The following UNC5C variants were observed in gnomAD, a reference collection of about 807,000 sequenced individuals.
UNC5C encodes the protein netrin receptor UNC5C.
A neutral mutation model predicts 99.8 loss-of-function variants in UNC5C; 47 were observed. The observed-to-expected ratio is 0.47, with a 90% CI of 0.37 to 0.60. UNC5C has a LOEUF of 0.60. UNC5C is among the 20% of genes least tolerant of loss of function. The pLI is 0.00. For missense variants in UNC5C, 1,062 were observed against 1,165.9 expected (o/e 0.91, Z 1.30); for synonymous variants, 487 against 452.2 (o/e 1.08, Z -0.98).
intron 1 of UNC5C, among the ~76,000 whole-genome samples, chr4:95,440,139 C>T (rs141094570): frequency 6.6e-6 from 1 of 152,138 alleles, no homozygotes; most frequent in East Asian, 1.9e-4. Flanking sequence ...GGTTTTCCTG[C>T]AGAGATTATA....
chr4:95,380,265 A>T (rs1486790399), intron 1 of UNC5C, among the ~76,000 whole-genome samples: 2 of 152,148 alleles, frequency 1.3e-5, no homozygotes, highest in Admixed American at 6.6e-5. Context: ...TAATGTTTAA[A>T]ATAATATAGA....
At chr4:95,293,087 A>G (rs1487671229) in intron 3 of UNC5C, among the ~76,000 whole-genome samples, 1 of 152,122 alleles carries the variant, frequency 6.6e-6, no homozygotes, top group African/African-American at 2.4e-5. Flanking sequence ...TATAAATCTG[A>G]ATGAAAGAAG....
In UNC5C at chr4:95,332,546, C is replaced by T. The variant is rs550060187; in HGVS notation, c.346+2864G>A. Reference sequence around the variant, plus strand: ...TAGAAAGCTGAAACTGGATCCCTTCCTTACACCTTATACAAAAATTCATTC... The same window carrying T: ...TAGAAAGCTGAAACTGGATCCCTTCTTTACACCTTATACAAAAATTCATTC... On this transcript the variant is annotated intron_variant, in intron 2 of 15. Transcript: ENST00000453304. 1.4e-3 allele frequency among the ~76,000 whole-genome samples: 216 copies of T among 151,906 alleles called. 1 individual carries two copies. The highest frequency in any genetic ancestry group is 5.0e-3 in the African/African-American group (207 of 41,492).
At position 95,523,850 on chromosome 4, in the gene UNC5C, T is replaced by G. The variant is rs116448031; in HGVS notation, c.124+24884A>C. Reference sequence around the variant, plus strand: ...AAGTATCAATCCCCTAATAAAAATTTTAAAAGCTTTAATTCCATTTCTATA... The same window carrying G: ...AAGTATCAATCCCCTAATAAAAATTGTAAAAGCTTTAATTCCATTTCTATA... On this transcript the variant is annotated intron_variant, in intron 1 of 15. Coordinates refer to ENST00000453304, the MANE Select transcript of UNC5C (RefSeq NM_003728.4). 7.0e-3 allele frequency among the ~76,000 whole-genome samples: 1,065 copies of G among 152,262 alleles called. 8 individuals are homozygous for G. The highest frequency in any genetic ancestry group is 0.025 in the African/African-American group (1,019 of 41,560).
intron 1 of UNC5C, among the ~76,000 whole-genome samples, chr4:95,434,448 C>A (rs538029227): frequency 6.6e-6 from 1 of 151,934 alleles, no homozygotes; most frequent in Non-Finnish European, 1.5e-5. Context: ...AGAAGGGGCA[C>A]CTTACTTGAA....
chr4:95,515,846 T>A (rs1722200992), intron 1 of UNC5C, among the ~76,000 whole-genome samples: 1 of 152,208 alleles, frequency 6.6e-6, no homozygotes. Context: ...GCTGGCTTCA[T>A]CCAAAGAAAA....
intron 1 of UNC5C, among the ~76,000 whole-genome samples, chr4:95,425,385 G>C (rs1007702386): frequency 6.6e-6 from 1 of 152,160 alleles, no homozygotes; most frequent in Non-Finnish European, 1.5e-5. Context: ...GCAGTGGCGC[G>C]ATCTCGGCTC....
At chr4:95,177,055 AC>A (rs1736390449) in intron 14 of UNC5C, among the ~76,000 whole-genome samples, 1 of 151,948 alleles carries the variant, frequency 6.6e-6, no homozygotes, top group Non-Finnish European at 1.5e-5. Flanking sequence ...GAACTCCCTG[AC>A]CCCTTGCACT....
chr4:95,368,467 CA>C (rs1381429665), intron 1 of UNC5C, among the ~76,000 whole-genome samples: 3 of 152,024 alleles, frequency 2.0e-5, no homozygotes, highest in Non-Finnish European at 4.4e-5. Flanking sequence ...AAAATTATTT[CA>C]AAGAGCAATA....
chr4:95,317,905 G>C (rs1742539210), intron 2 of UNC5C, among the ~76,000 whole-genome samples: 1 of 151,862 alleles, frequency 6.6e-6, no homozygotes, highest in Admixed American at 6.6e-5. Context: ...TTTTTTTCTT[G>C]ACAAATGCTT....
intron 1 of UNC5C, among the ~76,000 whole-genome samples, chr4:95,408,625 A>G (rs1745892051): frequency 6.6e-6 from 1 of 152,192 alleles, no homozygotes; most frequent in Admixed American, 6.5e-5. Flanking sequence ...CCGTTTAATA[A>G]GAAAGAGAAT....
chr4:95,206,646 T>G lies in UNC5C; in HGVS notation c.1884A>C (p.Ala628=), dbSNP rs1473545759. Residue 628 remains alanine, a synonymous_variant, in exon 11 of 16, where the codon GCA becomes GCC. Transcript: ENST00000453304. ...EDWKILLKNQ[A]AQGQWEDVVV... The stretch of plus-strand genomic sequence containing the variant: ...AGCTCACCTCCCACTGTCCCTGTGC[T>G]GCCTGGTTCTTGAGCAGTATTTTCC... The G allele has an allele frequency of 6.2e-7, 1 of 1,614,192 alleles. No individual in the cohort carries two copies. The highest frequency in any genetic ancestry group is 2.2e-5 in the East Asian group (1 of 44,872).
At chr4:95,238,616 C>T (rs550584209) in intron 7 of UNC5C, among the ~76,000 whole-genome samples, 1 of 152,040 alleles carries the variant, frequency 6.6e-6, no homozygotes, top group Non-Finnish European at 1.5e-5. Flanking sequence ...AGTAATAAAT[C>T]CTCTCTATCT....
At chr4:95,474,107 A>G (rs1028846788) in intron 1 of UNC5C, among the ~76,000 whole-genome samples, 2 of 152,068 alleles carry the variant, frequency 1.3e-5, no homozygotes, top group African/African-American at 4.8e-5. Context: ...TTTTCCTTTC[A>G]TTCAGAAAGC....
intron 7 of UNC5C, among the ~76,000 whole-genome samples, chr4:95,227,208 G>C (rs1471923222): frequency 1.3e-5 from 2 of 151,472 alleles, no homozygotes; most frequent in Non-Finnish European, 2.9e-5. Context: ...GGAGTGCAGT[G>C]GTGTGATCAT....
intron 1 of UNC5C, among the ~76,000 whole-genome samples, chr4:95,407,031 A>T (rs892233770): frequency 6.6e-6 from 1 of 152,296 alleles, no homozygotes; most frequent in Admixed American, 6.5e-5. Context: ...AAATGATTGT[A>T]CTTTGCTCCT....
intron 1 of UNC5C, among the ~76,000 whole-genome samples, chr4:95,487,955 G>A (rs1400250349): frequency 6.6e-6 from 1 of 151,710 alleles, no homozygotes; most frequent in African/African-American, 2.4e-5. Context: ...TTTACAAGAA[G>A]GTTGAAGAGA....
chr4:95,532,101 C>T (rs1360517228), intron 1 of UNC5C, among the ~76,000 whole-genome samples: 8 of 152,212 alleles, frequency 5.3e-5, no homozygotes. Flanking sequence ...TTAATGCTTA[C>T]ACATCAATTG....
chr4:95,369,692 A>G (rs1744687513), intron 1 of UNC5C, among the ~76,000 whole-genome samples: 1 of 152,210 alleles, frequency 6.6e-6, no homozygotes. Flanking sequence ...CATTAGCAAT[A>G]CCATTGATAC....
Sources: gnomAD v4.1 joint callset for allele counts (sites outside exome capture counted in the v4.1 genomes callset) on GRCh38, gnomAD v4.1.1 for gene constraint, MANE v1.5 for transcripts, NCBI Gene and HGNC (gene_info 2026-07-23, HGNC 2026-07-21) for gene names.